The following WDR49 variants were observed in gnomAD, a reference collection of about 807,000 sequenced individuals.
The protein encoded by WDR49 is cilia- and flagella-associated protein 337.
WDR49 carries 107 observed loss-of-function variants against 119.5 expected under a neutral mutation model. That is an observed-to-expected ratio of 0.90 (90% CI 0.77 to 1.05). WDR49 has a LOEUF of 1.05. Among genes scored for constraint, WDR49 ranks in the 50% least tolerant of loss-of-function variants. WDR49 has a pLI of 0.00. For missense variants in WDR49, 1,240 were observed against 1,220.5 expected (o/e 1.02, Z -0.24); for synonymous variants, 425 against 418.8 (o/e 1.01, Z -0.18).
intron 7 of WDR49, among the ~76,000 whole-genome samples, chr3:167,596,116 A>G (rs1260780325): frequency 6.7e-6 from 1 of 150,290 alleles, no homozygotes; most frequent in East Asian, 2.0e-4. Context: ...AACACATGAA[A>G]AAATGCTCAC....
intron 5 of WDR49, among the ~76,000 whole-genome samples, chr3:167,606,720 G>A (rs111704320): frequency 0.017 from 2,593 of 152,234 alleles, 72 homozygotes; most frequent in African/African-American, 0.056. Flanking sequence ...GCTGCCAAAG[G>A]CCAAAATGGT....
Position 167,638,713 on chromosome 3 carries a change from C to T in WDR49, c.166-11421G>A, listed in dbSNP as rs958560469. Among the ~76,000 whole-genome samples, 10 of 151,650 alleles carry T rather than the reference C, an allele frequency of 6.6e-5. No homozygotes were observed. The Middle Eastern group carries it at 0.01, about 155-fold the overall frequency. ...TTACTCTGCTAGTCAAGGTCCATAG[C>T]GCTCTTTTTTTCTTGCTTCAATAGA... On this transcript the variant is annotated intron_variant, in intron 2 of 18. Transcript: ENST00000682715.
chr3:167,646,535 A>T (rs899146874), intron 2 of WDR49, among the ~76,000 whole-genome samples: 1 of 152,222 alleles, frequency 6.6e-6, no homozygotes, highest in African/African-American at 2.4e-5. Flanking sequence ...ACTTTCTGCA[A>T]TGATGAAAAT....
At chr3:167,518,585 G>GT (rs1484127202) in intron 16 of WDR49, among the ~76,000 whole-genome samples, 1 of 147,324 alleles carries the variant, frequency 6.8e-6, no homozygotes, top group Non-Finnish European at 1.5e-5. Flanking sequence ...GGGGTTGTTT[G>GT]TTTTTTTCTT....
chr3:167,575,294 G>A, intron 8 of WDR49: 1 of 986,446 alleles, frequency 1.0e-6, no homozygotes, highest in Non-Finnish European at 1.2e-6. Context: ...AAGGGCTGTG[G>A]TCTGCGCAGT....
At chr3:167,570,431 A>T (rs1007060280) in intron 8 of WDR49, among the ~76,000 whole-genome samples, 1 of 152,236 alleles carries the variant, frequency 6.6e-6, no homozygotes, top group Non-Finnish European at 1.5e-5. Context: ...TCAAGAGAAA[A>T]TTATACCTCA....
rs1305615515 is a variant in WDR49, at chr3:167,575,950, T to A, written c.1477A>T (p.Thr493Ser). 1 of 1,614,048 alleles carries A rather than the reference T, an allele frequency of 6.2e-7. No individual in the cohort carries two copies. Among genetic ancestry groups the A allele is most frequent in the Non-Finnish European group, 8.5e-7 (1 of 1,180,010 alleles). The change falls in exon 8 of 19, where the codon ACT (threonine) becomes TCT (serine). Residue 493 changes from threonine (T) to serine (S), a missense_variant. Transcript: ENST00000682715. ...KRVKSHEKAV[T>S]CVLYNSILKQ... ...AAGATAGAATTGTAAAGAACACAAG[T>A]GACTGCTTTCTCATGGCTTTTCACC...
At chr3:167,639,199 C>G (rs1029467798) in intron 2 of WDR49, among the ~76,000 whole-genome samples, 2 of 151,686 alleles carry the variant, frequency 1.3e-5, no homozygotes, top group African/African-American at 4.8e-5. Context: ...TGTAGCAATA[C>G]AAATATATAC....
chr3:167,519,398 C>T (rs1223914347), intron 16 of WDR49, among the ~76,000 whole-genome samples: 1 of 152,122 alleles, frequency 6.6e-6, no homozygotes, highest in East Asian at 1.9e-4. Context: ...AAATGCCCAT[C>T]AATGATAGAC....
intron 2 of WDR49, among the ~76,000 whole-genome samples, chr3:167,646,521 T>C (rs941904870): frequency 6.6e-6 from 1 of 152,200 alleles, no homozygotes; most frequent in Admixed American, 6.5e-5. Context: ...CATTGTCCAA[T>C]GGAACTTTCT....
rs573262315 is a variant in WDR49, at chr3:167,510,080, C to T, written c.2775-4664G>A. On this transcript the variant is annotated intron_variant, in intron 16 of 18. Coordinates refer to ENST00000682715, the MANE Select transcript of WDR49 (RefSeq NM_001366157.1). The stretch of plus-strand genomic sequence containing the variant: ...GCTTATTTGTACTTCCAAATTTTCC[C>T]GTAATAAAAATGTAGTATTTTTGGC... 9.2e-5 allele frequency among the ~76,000 whole-genome samples: 14 copies of T among 152,226 alleles called. No individual in the cohort carries two copies. In the South Asian group the frequency reaches 1.7e-3, roughly 18 times the overall value.
chr3:167,522,318 T>A lies in WDR49; in HGVS notation c.2771A>T (p.Tyr924Phe). Residue 924 changes from tyrosine to phenylalanine, a missense_variant, in exon 16 of 19, where the codon TAC becomes TTC. Physicochemically the swap from Tyr to Phe is conservative, Grantham distance 22 (BLOSUM62 3). Transcript: ENST00000682715. ...LNKKNKDDST[Y>F]NVRPSEDINL... ...GCTAATGTTCAAAATTACTTACTTG[T>A]ATGTTGAGTCATCTTTGTTTTTCTT... 2.5e-6 allele frequency: 4 copies of A among 1,582,842 alleles called. No individual in the cohort carries two copies. The highest frequency in any genetic ancestry group is 3.4e-6 in the Non-Finnish European group (4 of 1,172,304).
At chr3:167,482,505 T>TG (rs1750754206) in intron 18 of WDR49, among the ~76,000 whole-genome samples, 1 of 137,998 alleles carries the variant, frequency 7.2e-6, no homozygotes, top group Non-Finnish European at 1.6e-5. Context: ...CCGTCTCTAC[T>TG]AAAAAAAAAA....
rs561081652 is a variant in WDR49, at chr3:167,557,986, C to T, written c.1674+2078G>A. ...AAACAAATGGCCAGGCACAGTGGCA[C>T]GTGTTTGTAATCCCAGCTACTCAGG... On this transcript the variant is annotated intron_variant, in intron 9 of 18. Transcript: ENST00000682715. 5.3e-5 allele frequency among the ~76,000 whole-genome samples: 8 copies of T among 151,982 alleles called. No homozygotes were observed. The East Asian group carries it at 1.4e-3, about 26-fold the overall frequency.
intron 7 of WDR49, among the ~76,000 whole-genome samples, chr3:167,589,912 C>A (rs959521268): frequency 2.6e-5 from 4 of 151,878 alleles, no homozygotes; most frequent in Non-Finnish European, 5.9e-5. Context: ...TTTTATATTT[C>A]TCTTGTCTGA....
At position 167,624,145 on chromosome 3, in the gene WDR49, G is replaced by A. The variant is rs558375767; in HGVS notation, c.607-2502C>T. Among the ~76,000 whole-genome samples the A allele has an allele frequency of 7.9e-5, 12 of 151,988 alleles. No homozygotes were observed. The South Asian group carries it at 2.5e-3, about 32-fold the overall frequency. ...CATGAAACTATGCTTAACATTATTA[G>A]CTACTAGGTAAATATGAATTAAAGC... On this transcript the variant is annotated intron_variant, in intron 3 of 18. Coordinates refer to ENST00000682715, the MANE Select transcript of WDR49 (RefSeq NM_001366157.1).
intron 5 of WDR49, among the ~76,000 whole-genome samples, chr3:167,619,671 TAA>T (rs1239179951): frequency 1.3e-5 from 2 of 152,164 alleles, no homozygotes; most frequent in African/African-American, 4.8e-5. Flanking sequence ...CTAATTTCAT[TAA>T]AGTCAATGAG....
chr3:167,525,338 C>G (rs1049747549), intron 15 of WDR49, among the ~76,000 whole-genome samples: 1 of 152,096 alleles, frequency 6.6e-6, no homozygotes, highest in Non-Finnish European at 1.5e-5. Flanking sequence ...AATATACAAT[C>G]ACGTTGTATG....
chr3:167,498,985 G>C (rs1751461518), intron 18 of WDR49, among the ~76,000 whole-genome samples: 1 of 152,134 alleles, frequency 6.6e-6, no homozygotes, highest in Non-Finnish European at 1.5e-5. Flanking sequence ...ATCATTTTCT[G>C]AGCCCCCAAA....
Sources: gnomAD v4.1 joint callset for allele counts (sites outside exome capture counted in the v4.1 genomes callset) on GRCh38, gnomAD v4.1.1 for gene constraint, MANE v1.5 for transcripts, NCBI Gene and HGNC (gene_info 2026-07-23, HGNC 2026-07-21) for gene names.